SYNJ2: variants seen among roughly 807,000 people sequenced by gnomAD.
SYNJ2 encodes synaptojanin 2.
Under a neutral mutation model 141.3 loss-of-function variants are expected in SYNJ2, and 116 were observed. The observed-to-expected ratio is 0.82, with a 90% CI of 0.71 to 0.96. The LOEUF is 0.96. Ranked by LOEUF, SYNJ2 falls within the 40% of genes least tolerant of loss-of-function variation. SYNJ2 has a pLI of 0.00. For synonymous variants in SYNJ2, 745 were observed against 777.7 expected (o/e 0.96, Z 0.70); for missense variants, 1,873 against 1,934.8 (o/e 0.97, Z 0.60).
intron 1 of SYNJ2, among the ~76,000 whole-genome samples, chr6:158,015,379 G>A (rs753285128): frequency 2.6e-5 from 4 of 152,168 alleles, no homozygotes; most frequent in South Asian, 4.1e-4. Flanking sequence ...TGTAGAAATG[G>A]TTCCATCCAG....
intron 25 of SYNJ2, among the ~76,000 whole-genome samples, chr6:158,090,820 C>T (rs1202994712): frequency 1.3e-5 from 2 of 151,230 alleles, no homozygotes; most frequent in Non-Finnish European, 2.9e-5. Context: ...GCTGGGATTA[C>T]AGGTGTGAGC....
At chr6:158,086,200 T>A (rs1783025476) in intron 22 of SYNJ2, among the ~76,000 whole-genome samples, 1 of 151,930 alleles carries the variant, frequency 6.6e-6, no homozygotes, top group Non-Finnish European at 1.5e-5. Context: ...GGTGTCCGAG[T>A]CAAAGTGAAA....
chr6:158,026,445 T>C (rs892297869), intron 2 of SYNJ2, among the ~76,000 whole-genome samples: 2 of 152,166 alleles, frequency 1.3e-5, no homozygotes. Flanking sequence ...AGTCCGCGCC[T>C]GTACAGCTCC....
chr6:158,064,370 C>T (rs1046044056), intron 9 of SYNJ2, among the ~76,000 whole-genome samples: 3 of 151,508 alleles, frequency 2.0e-5, no homozygotes, highest in Non-Finnish European at 2.9e-5. Context: ...GGTGCAGGGG[C>T]GTTCAAGTGT....
chr6:158,055,503 ATGTGTGTGTGTG>A (rs61172281), intron 6 of SYNJ2, among the ~76,000 whole-genome samples: 5 of 147,866 alleles, frequency 3.4e-5, no homozygotes, highest in Admixed American at 6.8e-5. Context: ...TTGGCATTTT[ATGTGTGTGTGTG>A]TGTGTGTGTG....
chr6:158,058,969 T>C (rs780035157), intron 6 of SYNJ2, among the ~76,000 whole-genome samples: 1 of 152,190 alleles, frequency 6.6e-6, no homozygotes, highest in Non-Finnish European at 1.5e-5. Flanking sequence ...TCAGGTTAGG[T>C]GTTCTAGATA....
chr6:157,992,401 C>CTTTTTTTT (rs57905567), intron 1 of SYNJ2, among the ~76,000 whole-genome samples: 24 of 120,348 alleles, frequency 2.0e-4, no homozygotes, highest in Non-Finnish European at 3.1e-4. Context: ...TGGCTTGTTT[C>CTTTTTTTT]TTTTTTTTTT....
Position 158,070,469 on chromosome 6 carries a change from T to C in SYNJ2, c.1940+796T>C, listed in dbSNP as rs1781849378. 1.0e-6 allele frequency: 1 copy of C among 985,400 alleles called. No homozygotes were observed. The highest frequency in any genetic ancestry group is 4.7e-5 in the South Asian group (1 of 21,290). The allele number at this position is 985,400 out of a possible 1,614,324, so 61.0% of individuals were successfully genotyped here. A position where few individuals can be genotyped will look rare whatever the true frequency, so the allele number is the denominator to read the frequency against. On this transcript the variant is annotated intron_variant, in intron 14 of 26. Coordinates refer to ENST00000355585, the MANE Select transcript of SYNJ2 (RefSeq NM_003898.4). This position sits in a 1 kb window ranked among gnomAD's most constrained non-coding sequence, Gnocchi z 4.0. Reference sequence around the variant, plus strand: ...GTCCCTGTCCCTCTGCTTGTGTTATTTGGGCAGCTTGGCAGTGTCCTAGGT... The same window carrying C: ...GTCCCTGTCCCTCTGCTTGTGTTATCTGGGCAGCTTGGCAGTGTCCTAGGT...
At chr6:158,052,023 A>C (rs1780599265) in intron 5 of SYNJ2, among the ~76,000 whole-genome samples, 1 of 152,164 alleles carries the variant, frequency 6.6e-6, no homozygotes, top group Non-Finnish European at 1.5e-5. Flanking sequence ...GGAATCTCTA[A>C]ATCTATTGCT....
At chr6:158,050,076 C>T (rs1482706348) in intron 5 of SYNJ2, among the ~76,000 whole-genome samples, 1 of 152,222 alleles carries the variant, frequency 6.6e-6, no homozygotes, top group Admixed American at 6.5e-5. Context: ...GTGGATGCAC[C>T]TCTGCAGGTA....
In SYNJ2 at chr6:158,022,576, G is replaced by T. The variant is rs771072547; in HGVS notation, c.214+5286G>T. Among the ~76,000 whole-genome samples the T allele has an allele frequency of 1.4e-4, 22 of 152,194 alleles. 1 individual carries two copies. Among genetic ancestry groups the T allele is most frequent in the South Asian group, 6.2e-4 (3 of 4,832 alleles). On this transcript the variant is annotated intron_variant, in intron 2 of 26. Coordinates refer to ENST00000355585, the MANE Select transcript of SYNJ2 (RefSeq NM_003898.4). The stretch of plus-strand genomic sequence containing the variant: ...TGGAGGGGACATTGAGACTATTGGC[G>T]CATCCTCCTGGGAGGCCCAGAGAGG...
At chr6:158,019,252 C>T (rs546386677) in intron 2 of SYNJ2, among the ~76,000 whole-genome samples, 2 of 152,328 alleles carry the variant, frequency 1.3e-5, no homozygotes, top group African/African-American at 4.8e-5. Flanking sequence ...CTCAAGGTCA[C>T]GCCATTCTCA....
At chr6:158,002,980 G>C (rs578212409) in intron 1 of SYNJ2, among the ~76,000 whole-genome samples, 1 of 152,330 alleles carries the variant, frequency 6.6e-6, no homozygotes, top group East Asian at 1.9e-4. Flanking sequence ...CTTGTTAGGG[G>C]AGCTGGCCTC....
rs935380913 is a variant in SYNJ2, at chr6:158,043,061, C to T, written c.712-255C>T. ...AGGTTGTGCCCTAGAAGTGTGAATT[C>T]CCGGAGACCCTGGGAGGCCCCAACC... On this transcript the variant is annotated intron_variant, in intron 4 of 26. Transcript: ENST00000355585. The surrounding 1 kb of genome is among the most constrained non-coding windows in gnomAD (Gnocchi z 4.0). 1.3e-5 allele frequency among the ~76,000 whole-genome samples: 2 copies of T among 152,128 alleles called. No homozygotes were observed. The highest frequency in any genetic ancestry group is 4.8e-5 in the African/African-American group (2 of 41,420).
chr6:158,052,905 A>G (rs1780647518), intron 5 of SYNJ2, among the ~76,000 whole-genome samples: 1 of 152,204 alleles, frequency 6.6e-6, no homozygotes, highest in African/African-American at 2.4e-5. Context: ...CAAATTGATC[A>G]CTTGTCTCAG....
chr6:158,071,896 G>A lies in SYNJ2; in HGVS notation c.2133+102G>A, dbSNP rs1413029915. The A allele has an allele frequency of 1.2e-5, 16 of 1,366,448 alleles. No homozygotes were observed. The highest frequency in any genetic ancestry group is 1.1e-4 in the Admixed American group (5 of 44,562). The allele number at this position is 1,366,448 out of a possible 1,614,324, so 84.6% of individuals were successfully genotyped here. On this transcript the variant is annotated intron_variant, in intron 15 of 26. Transcript: ENST00000355585. This position sits in a 1 kb window ranked among gnomAD's most constrained non-coding sequence, Gnocchi z 4.3. Reference sequence around the variant, plus strand: ...CACTGGGGACACAACCACAGGGAGGGCCCCTTCCTGGAGGGCTCAGCGCTG... The same window carrying A: ...CACTGGGGACACAACCACAGGGAGGACCCCTTCCTGGAGGGCTCAGCGCTG...
chr6:157,992,255 C>A (rs896973037), intron 1 of SYNJ2, among the ~76,000 whole-genome samples: 1 of 152,066 alleles, frequency 6.6e-6, no homozygotes, highest in Admixed American at 6.6e-5. Context: ...ACCATCCCCA[C>A]CTCCTCCCTA....
At chr6:158,018,125 G>A (rs971264364) in intron 2 of SYNJ2, among the ~76,000 whole-genome samples, 2 of 152,214 alleles carry the variant, frequency 1.3e-5, no homozygotes, top group African/African-American at 4.8e-5. Flanking sequence ...GATCTGACTT[G>A]CGAAGGGAGA....
chr6:158,022,200 G>A (rs1051506882), intron 2 of SYNJ2, among the ~76,000 whole-genome samples: 6 of 152,170 alleles, frequency 3.9e-5, no homozygotes, highest in African/African-American at 1.4e-4. Flanking sequence ...CCTTTGTTTG[G>A]AGCTTTAAGT....
Sources: allele counts gnomAD v4.1 joint callset (sites outside exome capture counted in the v4.1 genomes callset), GRCh38; gene constraint gnomAD v4.1.1; non-coding constraint Gnocchi (gnomAD v3.1); transcripts MANE v1.5; gene names NCBI Gene and HGNC (gene_info 2026-07-23, HGNC 2026-07-21).